Variants in SYT9 observed in about 807,000 individuals in gnomAD.
SYT9 encodes synaptotagmin-9.
SYT9 carries 22 observed loss-of-function variants against 48.4 expected under a neutral mutation model. The ratio of observed to expected loss-of-function variants is 0.45; its 90% CI spans 0.32 to 0.65. SYT9 has a LOEUF of 0.65. SYT9 is among the 30% of genes least tolerant of loss of function. The pLI is 0.03. For missense variants in SYT9, 577 were observed against 622.0 expected (o/e 0.93, Z 0.77); for synonymous variants, 265 against 245.0 (o/e 1.08, Z -0.76).
intron 1 of SYT9, among the ~76,000 whole-genome samples, chr11:7,254,054 C>T (rs537485062): frequency 2.6e-5 from 4 of 152,190 alleles, no homozygotes; most frequent in Admixed American, 6.5e-5. Flanking sequence ...CCTTTTAATC[C>T]GGGAGCTGGA....
intron 3 of SYT9, among the ~76,000 whole-genome samples, chr11:7,329,720 A>G (rs1034961965): frequency 2.0e-5 from 3 of 152,226 alleles, no homozygotes; most frequent in African/African-American, 4.8e-5. Flanking sequence ...GTATGCTGGA[A>G]AGTGGCCAGA....
At chr11:7,244,876 C>A (rs947697710) in intron 1 of SYT9, among the ~76,000 whole-genome samples, 7 of 152,162 alleles carry the variant, frequency 4.6e-5, no homozygotes, top group Admixed American at 6.5e-5. Context: ...GATGCTGTAA[C>A]CCAAGCAGCA....
At chr11:7,357,092 A>G (rs1361009260) in intron 3 of SYT9, among the ~76,000 whole-genome samples, 2 of 152,242 alleles carry the variant, frequency 1.3e-5, no homozygotes, top group African/African-American at 4.8e-5. Context: ...AGGTGTGAAT[A>G]GAAAGTACCA....
chr11:7,324,560 G>C (rs2133968851), intron 3 of SYT9, among the ~76,000 whole-genome samples: 1 of 151,738 alleles, frequency 6.6e-6, no homozygotes, highest in East Asian at 1.9e-4. Flanking sequence ...TAGTGCTTTA[G>C]CTTTATGTTT....
intron 3 of SYT9, among the ~76,000 whole-genome samples, chr11:7,355,610 G>A (rs1365547017): frequency 1.3e-5 from 2 of 152,170 alleles, no homozygotes; most frequent in South Asian, 2.1e-4. Flanking sequence ...CCATTGAGTA[G>A]ACAGTTAAAC....
chr11:7,339,039 A>T (rs1470522613), intron 3 of SYT9, among the ~76,000 whole-genome samples: 1 of 152,176 alleles, frequency 6.6e-6, no homozygotes, highest in Non-Finnish European at 1.5e-5. Flanking sequence ...TGTTGGATGC[A>T]TATATATTTA....
chr11:7,422,409 AC>A (rs1411518586), intron 6 of SYT9, among the ~76,000 whole-genome samples: 2 of 152,154 alleles, frequency 1.3e-5, no homozygotes, highest in African/African-American at 4.8e-5. Context: ...AGGGAGACCC[AC>A]AGGATCTATG....
At chr11:7,305,649 A>T (rs955087609) in intron 2 of SYT9, among the ~76,000 whole-genome samples, 9 of 152,342 alleles carry the variant, frequency 5.9e-5, no homozygotes, top group Admixed American at 2.0e-4. Context: ...AGAAAGCTCT[A>T]AACAGTCTGC....
intron 3 of SYT9, among the ~76,000 whole-genome samples, chr11:7,341,430 A>T (rs941026805): frequency 6.6e-6 from 1 of 152,086 alleles, no homozygotes; most frequent in Non-Finnish European, 1.5e-5. Context: ...TGCTGTTCTC[A>T]TGATAGTGAA....
rs576733451 is a variant in SYT9, at chr11:7,426,681, C to T, written c.1467+6046C>T. Among the ~76,000 whole-genome samples the T allele has an allele frequency of 1.9e-3, 295 of 152,216 alleles. 1 individual carries two copies. The highest frequency in any genetic ancestry group is 6.6e-3 in the African/African-American group (273 of 41,542). On this transcript the variant is annotated intron_variant, in intron 6 of 6. Transcript: ENST00000318881. ...CTAAACTTGGGGTTTCAAGCCTGAA[C>T]GGTAAAGCCAGAACCTCTCCTCCTC...
intron 1 of SYT9, among the ~76,000 whole-genome samples, chr11:7,282,745 T>C (rs1848521893): frequency 6.6e-6 from 1 of 152,130 alleles, no homozygotes; most frequent in African/African-American, 2.4e-5. Context: ...GTTGTTTCCC[T>C]TGAGACACAG....
intron 3 of SYT9, among the ~76,000 whole-genome samples, chr11:7,332,536 C>A (rs1270366206): frequency 6.6e-6 from 1 of 152,112 alleles, no homozygotes; most frequent in Non-Finnish European, 1.5e-5. Context: ...ACTCCCATGA[C>A]CTCTGAGATA....
At chr11:7,459,354 C>T (rs1848203004) in intron 6 of SYT9, among the ~76,000 whole-genome samples, 2 of 151,934 alleles carry the variant, frequency 1.3e-5, no homozygotes, top group Non-Finnish European at 2.9e-5. Flanking sequence ...AGAAGAGGTC[C>T]CAGGACTAAG....
chr11:7,465,412 T>A (rs1057248946), intron 6 of SYT9, among the ~76,000 whole-genome samples: 2 of 152,272 alleles, frequency 1.3e-5, no homozygotes, highest in African/African-American at 4.8e-5. Context: ...TGGTTGCTAC[T>A]CTTTTATAGT....
At chr11:7,322,096 A>G (rs548420845) in intron 3 of SYT9, among the ~76,000 whole-genome samples, 123 of 152,028 alleles carry the variant, frequency 8.1e-4, no homozygotes, top group African/African-American at 2.9e-3. Context: ...TGGGGCAGGG[A>G]TGGGGGAAGG....
At chr11:7,433,455 T>C (rs570766446) in intron 6 of SYT9, among the ~76,000 whole-genome samples, 12 of 152,320 alleles carry the variant, frequency 7.9e-5, no homozygotes, top group Middle Eastern at 3.4e-3. Context: ...GTCCTGGAAA[T>C]GGGAACGGAG....
At chr11:7,454,276 C>A in intron 6 of SYT9, 1 of 985,372 alleles carries the variant, frequency 1.0e-6, no homozygotes, top group Non-Finnish European at 1.2e-6. Flanking sequence ...TCTGCAGTGG[C>A]CTGAGGAATG....
intron 6 of SYT9, among the ~76,000 whole-genome samples, chr11:7,460,015 A>G (rs1279118164): frequency 6.6e-6 from 1 of 152,156 alleles, no homozygotes; most frequent in Non-Finnish European, 1.5e-5. Flanking sequence ...AACCCTAAGA[A>G]ACTAACACAC....
At chr11:7,458,431 A>G (rs1260496981) in intron 6 of SYT9, among the ~76,000 whole-genome samples, 1 of 152,194 alleles carries the variant, frequency 6.6e-6, no homozygotes, top group Non-Finnish European at 1.5e-5. Flanking sequence ...CAGTGAGCCG[A>G]GATCATGCTA....
Sources: gnomAD v4.1 joint callset for allele counts (sites outside exome capture counted in the v4.1 genomes callset) on GRCh38, gnomAD v4.1.1 for gene constraint, MANE v1.5 for transcripts, NCBI Gene and HGNC (gene_info 2026-07-23, HGNC 2026-07-21) for gene names.